FHIT: variants seen among roughly 807,000 people sequenced by gnomAD.
The protein encoded by FHIT is fragile histidine triad diadenosine triphosphatase, also known as bis(5'-adenosyl)-triphosphatase.
In FHIT, 19 loss-of-function variants were observed where a neutral mutation model predicts 17.9. The observed-to-expected ratio is 1.06, with a 90% CI of 0.74 to 1.56. FHIT has a LOEUF of 1.56. FHIT is among the 40% of genes most tolerant of loss of function. The pLI, the probability that FHIT is intolerant of heterozygous loss-of-function variation, is 0.00. For missense variants in FHIT, 248 were observed against 189.2 expected, an observed-to-expected ratio of 1.31 and a Z score of -1.82; for synonymous variants, 81 against 69.7, an observed-to-expected ratio of 1.16 and a Z score of -0.81.
chr3:60,482,366 C>G (rs1477045205), intron 5 of FHIT, among the ~76,000 whole-genome samples: 1 of 152,158 alleles, frequency 6.6e-6, no homozygotes, highest in African/African-American at 2.4e-5. Flanking sequence ...TACCCCAACG[C>G]AACAGAATAC....
intron 4 of FHIT, among the ~76,000 whole-genome samples, chr3:60,794,431 T>C (rs115628541): frequency 0.028 from 904 of 32,302 alleles, 13 homozygotes; most frequent in African/African-American, 0.096. Context: ...CTACACTTCA[T>C]TGATTTAAAG....
intron 4 of FHIT, among the ~76,000 whole-genome samples, chr3:60,712,629 A>G (rs1315040427): frequency 6.6e-6 from 1 of 152,110 alleles, no homozygotes; most frequent in Non-Finnish European, 1.5e-5. Flanking sequence ...TTGCAATCCT[A>G]CTCTCTGATA....
At chr3:59,831,670 T>C (rs1202536980) in intron 8 of FHIT, among the ~76,000 whole-genome samples, 5 of 152,058 alleles carry the variant, frequency 3.3e-5, no homozygotes. Context: ...CACAACCTGC[T>C]AGGTAACTAC....
In FHIT at chr3:60,526,221, C is replaced by A. The variant is rs143309747; in HGVS notation, c.103+10639G>T. Among the ~76,000 whole-genome samples, 449 of 152,188 alleles carry A rather than the reference C, an allele frequency of 3.0e-3. 2 individuals carry two copies. The highest frequency in any genetic ancestry group is 4.0e-3 in the Non-Finnish European group (273 of 68,012). ...CTCCAGTTCCATCTGCTGGGAGCCT[C>A]TGCAAATACGGTAGTCTGCACTGGT... On this transcript the variant is annotated intron_variant, in intron 5 of 9. Coordinates refer to ENST00000492590, the MANE Select transcript of FHIT (RefSeq NM_002012.4).
chr3:59,854,632 T>C (rs1002211545), intron 8 of FHIT, among the ~76,000 whole-genome samples: 2 of 152,168 alleles, frequency 1.3e-5, no homozygotes, highest in Admixed American at 1.3e-4. Flanking sequence ...CCTCACAATT[T>C]TGTGATTTTT....
chr3:60,768,328 C>G (rs1553722070), intron 4 of FHIT, among the ~76,000 whole-genome samples: 1 of 152,142 alleles, frequency 6.6e-6, no homozygotes, highest in African/African-American at 2.4e-5. Context: ...CAAACTTTTA[C>G]CAGAGTGTGA....
chr3:60,850,472 C>G (rs1703112945), intron 3 of FHIT, among the ~76,000 whole-genome samples: 2 of 152,078 alleles, frequency 1.3e-5, no homozygotes, highest in South Asian at 4.1e-4. Flanking sequence ...TTCCCACCAA[C>G]TCACTCCATT....
At chr3:60,575,100 A>G (rs2037521537) in intron 4 of FHIT, among the ~76,000 whole-genome samples, 1 of 152,162 alleles carries the variant, frequency 6.6e-6, no homozygotes, top group Admixed American at 6.5e-5. Flanking sequence ...TCTGGCAGGT[A>G]AGACAAGGCA....
intron 8 of FHIT, among the ~76,000 whole-genome samples, chr3:59,910,426 C>G (rs941036194): frequency 6.6e-5 from 10 of 152,098 alleles, no homozygotes; most frequent in Non-Finnish European, 5.9e-5. Flanking sequence ...TTGACTTTTC[C>G]CTGTAGCTTA....
At chr3:59,903,969 T>G (rs1273270460) in intron 8 of FHIT, among the ~76,000 whole-genome samples, 1 of 152,012 alleles carries the variant, frequency 6.6e-6, no homozygotes, top group Non-Finnish European at 1.5e-5. Flanking sequence ...AGGGACTGGC[T>G]GAAATCAGAA....
chr3:59,848,589 C>G (rs1325079503), intron 8 of FHIT, among the ~76,000 whole-genome samples: 1 of 152,100 alleles, frequency 6.6e-6, no homozygotes, highest in African/African-American at 2.4e-5. Context: ...ACATTCAATA[C>G]TTTTTCTTCT....
At chr3:61,133,294 C>T (rs2036819147) in intron 2 of FHIT, among the ~76,000 whole-genome samples, 1 of 152,190 alleles carries the variant, frequency 6.6e-6, no homozygotes, top group Admixed American at 6.5e-5. Flanking sequence ...ACAACCATGT[C>T]TGTTTTGTGG....
chr3:60,390,972 G>T (rs1043961567), intron 5 of FHIT, among the ~76,000 whole-genome samples: 3 of 152,186 alleles, frequency 2.0e-5, no homozygotes, highest in African/African-American at 7.2e-5. Flanking sequence ...TTGAGGCCAG[G>T]AGTTTGAGAC....
chr3:60,031,722 G>C (rs953843079), intron 5 of FHIT, among the ~76,000 whole-genome samples: 14 of 152,120 alleles, frequency 9.2e-5, no homozygotes, highest in South Asian at 2.1e-4. Context: ...TTATCAACAG[G>C]TAATTTGGGG....
intron 5 of FHIT, among the ~76,000 whole-genome samples, chr3:60,129,053 G>T (rs71313747): frequency 0.41 from 50,794 of 122,662 alleles, 10,220 homozygotes; most frequent in South Asian, 0.48. Context: ...TTTTTTGTTT[G>T]TTTTTTTTTT....
chr3:60,119,620 T>A (rs1229036809), intron 5 of FHIT, among the ~76,000 whole-genome samples: 1 of 152,140 alleles, frequency 6.6e-6, no homozygotes, highest in Non-Finnish European at 1.5e-5. Flanking sequence ...TGTCATCGTG[T>A]CGGGTAAGGA....
intron 5 of FHIT, among the ~76,000 whole-genome samples, chr3:60,133,504 G>T (rs1218698120): frequency 1.3e-5 from 2 of 152,108 alleles, no homozygotes; most frequent in African/African-American, 4.8e-5. Context: ...TTGTCTACCA[G>T]CTAATGTGAT....
At chr3:60,037,800 G>T (rs1701281265) in intron 5 of FHIT, among the ~76,000 whole-genome samples, 1 of 151,256 alleles carries the variant, frequency 6.6e-6, no homozygotes, top group Admixed American at 6.6e-5. Flanking sequence ...TGCAACCTCT[G>T]CCTCCCGGGT....
At chr3:59,934,307 T>G (rs923913433) in intron 7 of FHIT, among the ~76,000 whole-genome samples, 13 of 152,130 alleles carry the variant, frequency 8.5e-5, no homozygotes, top group Admixed American at 7.9e-4. Context: ...CATCCAAGTG[T>G]GATACTACTA....
Sources: allele counts gnomAD v4.1 joint callset (sites outside exome capture counted in the v4.1 genomes callset), GRCh38; gene constraint gnomAD v4.1.1; transcripts MANE v1.5; gene names NCBI Gene and HGNC (gene_info 2026-07-23, HGNC 2026-07-21).